Variants in ABCA8 observed in about 807,000 individuals in gnomAD.
ABCA8 encodes ABC-type organic anion transporter ABCA8.
In ABCA8, 177 loss-of-function variants were observed where a neutral mutation model predicts 192.3. The ratio of observed to expected loss-of-function variants is 0.92; its 90% CI spans 0.81 to 1.04. The LOEUF is 1.04. Ranked by LOEUF, ABCA8 falls within the 50% of genes least tolerant of loss-of-function variation. The pLI is 0.00. For missense variants in ABCA8, 1,915 were observed against 1,904.8 expected (o/e 1.01, Z -0.10); for synonymous variants, 642 against 690.2 (o/e 0.93, Z 1.09).
At chr17:68,918,624 G>A (rs1723907421) in intron 14 of ABCA8, 78 bp from the exon 15 acceptor site, 3 of 1,362,716 alleles carry the variant, frequency 2.2e-6, no homozygotes, top group Admixed American at 6.3e-5. Flanking sequence ...AGGCTGTAAA[G>A]TGTAAATGGT....
At chr17:68,875,818 G>T in intron 35 of ABCA8, 85 bp from the exon 36 acceptor site, 1 of 1,452,030 alleles carries the variant, frequency 6.9e-7, no homozygotes. Context: ...TAACTGGCAT[G>T]CGTGTGAATA....
intron 11 of ABCA8, among the ~76,000 whole-genome samples, chr17:68,924,329 A>G (rs2067631709): frequency 2.1e-5 from 3 of 142,520 alleles, no homozygotes; most frequent in Non-Finnish European, 3.1e-5. Flanking sequence ...CTGGGCAACA[A>G]GAGCAAAATT....
In ABCA8 at chr17:68,886,181, T is replaced by C. The variant is rs542832545; in HGVS notation, c.3429+836A>G. On this transcript the variant is annotated intron_variant, in intron 26 of 39. Coordinates refer to ENST00000586539, the MANE Select transcript of ABCA8 (RefSeq NM_001288985.2). ...TCTTCCAAACCATCATTTTTATGGCTATCAAAGTATTCTTCCTGCAAGTTT... is the reference window on the plus strand; with the variant it reads ...TCTTCCAAACCATCATTTTTATGGCCATCAAAGTATTCTTCCTGCAAGTTT... Among the ~76,000 whole-genome samples the C allele has an allele frequency of 2.6e-5, 4 of 152,336 alleles. No homozygotes were observed. The South Asian group carries it at 8.3e-4, about 32-fold the overall frequency.
At chr17:68,940,989 G>T (rs770098937) in intron 3 of ABCA8, 27 bp from the exon 4 acceptor site, 1 of 1,531,096 alleles carries the variant, frequency 6.5e-7, no homozygotes, top group Non-Finnish European at 8.9e-7. Flanking sequence ...AAAAGATAAA[G>T]AAAAGTCTTA....
chr17:68,884,889 T>C, intron 27 of ABCA8: 5 of 974,370 alleles, frequency 5.1e-6, no homozygotes, highest in Non-Finnish European at 6.1e-6. Context: ...TAGGGACATT[T>C]CATTTGCTTC....
At chr17:68,922,403 G>GTTA in intron 11 of ABCA8, 103 bp from the exon 12 acceptor site, 3 of 813,412 alleles carry the variant, frequency 3.7e-6, no homozygotes, top group Non-Finnish European at 5.6e-6. Flanking sequence ...GATACATGAA[G>GTTA]ATCTGGGTCT....
At position 68,894,998 on chromosome 17, in the gene ABCA8, T is replaced by C. The variant is rs768760779; in HGVS notation, c.2780A>G (p.Asp927Gly). 16 of 1,608,656 alleles carry C rather than the reference T, an allele frequency of 9.9e-6. No homozygotes were observed. Among genetic ancestry groups the C allele is most frequent in the Non-Finnish European group, 1.2e-5 (14 of 1,178,186 alleles). Reference protein sequence around the residue: ...IINKTGASIDDFIQSVEHQNI... With the variant: ...IINKTGASIDGFIQSVEHQNI... ...CTGGTGCTCCACAGACTGTATAAAG[T>C]CATCAATGCTTGCCCCTAAGGTGTA... Residue 927 changes from aspartate to glycine, a missense_variant, in exon 22 of 40, where the codon GAC becomes GGC. Physicochemically the swap from Asp to Gly is moderately conservative, Grantham distance 94 (BLOSUM62 -1). Coordinates refer to ENST00000586539, the MANE Select transcript of ABCA8 (RefSeq NM_001288985.2).
At chr17:68,912,869 TTG>T (rs1394705343) in intron 17 of ABCA8, among the ~76,000 whole-genome samples, 17 of 152,192 alleles carry the variant, frequency 1.1e-4, no homozygotes, top group African/African-American at 3.9e-4. Flanking sequence ...ATCAAAAACA[TTG>T]GACTTAATGT....
chr17:68,890,511 T>C (rs1477626721), intron 24 of ABCA8, among the ~76,000 whole-genome samples: 2 of 152,166 alleles, frequency 1.3e-5, no homozygotes, highest in Admixed American at 6.5e-5. Context: ...ATTTTATTTT[T>C]AAATTATTTA....
chr17:68,886,947 A>C, intron 26 of ABCA8, 70 bp downstream of exon 26: 2 of 1,134,182 alleles, frequency 1.8e-6, no homozygotes, highest in African/African-American at 1.6e-5. Flanking sequence ...ACAGAGGGCA[A>C]AATTTAAAGG....
chr17:68,937,848 C>CATT (rs150394447), intron 4 of ABCA8, among the ~76,000 whole-genome samples: 5 of 151,506 alleles, frequency 3.3e-5, no homozygotes, highest in South Asian at 4.2e-4. Context: ...ACTTAATAAC[C>CATT]ATTATTATTA....
Position 68,894,018 on chromosome 17 carries a change from T to C in ABCA8, c.3036+155A>G, listed in dbSNP as rs553866241. 2.1e-5 allele frequency: 17 copies of C among 792,230 alleles called. No homozygotes were observed. In the African/African-American group the frequency reaches 2.6e-4, roughly 12 times the overall value. 49.1% of individuals were successfully genotyped at this position (792,230 alleles called of 1,614,324 possible). A position where few individuals can be genotyped will look rare whatever the true frequency, so the allele number is the denominator to read the frequency against. On this transcript the variant is annotated intron_variant, in intron 23 of 39. Transcript: ENST00000586539. ...AACAAATTGAAGCTCTGAAAACGTA[T>C]TGATTTTCCAAAGTCACAGAACTAG...
rs962133793 is a variant in ABCA8, at chr17:68,882,625, C to T, written c.3802G>A (p.Ala1268Thr). ...TCATCAAAATTAGTAGAATTCAAGG[C>T]ATTTGCTGTTCTCACTCTTTCCATC... ...VQMERVRTANALNSTNFDEKP... is the reference protein window; with the variant it reads ...VQMERVRTANTLNSTNFDEKP... The change falls in exon 30 of 40, where the codon GCC becomes ACC. Residue 1268 changes from alanine (A) to threonine (T), a missense_variant. Transcript: ENST00000586539. 4.3e-6 allele frequency: 7 copies of T among 1,612,510 alleles called. No homozygotes were observed. The highest frequency in any genetic ancestry group is 5.9e-6 in the Non-Finnish European group (7 of 1,179,404).
At chr17:68,901,003 T>C (rs1246078632) in intron 21 of ABCA8, among the ~76,000 whole-genome samples, 2 of 152,096 alleles carry the variant, frequency 1.3e-5, no homozygotes, top group Non-Finnish European at 2.9e-5. Flanking sequence ...CATAAAAATG[T>C]GAAAAATGTG....
chr17:68,941,197 A>ATGTTT (rs879611038), intron 3 of ABCA8, among the ~76,000 whole-genome samples: 1,534 of 152,282 alleles, frequency 0.01, 15 homozygotes, highest in Middle Eastern at 0.024. Flanking sequence ...CAAACTCAAC[A>ATGTTT]GTATACCAGT....
rs770625595 is a variant in ABCA8 at position 68,918,357 on chromosome 17, A to G, written c.1908+70T>C. ...ATAACACATGTCCTTTGCGAATAAA[A>G]TATTTGAACTATTACCAAAAGTTCC... On this transcript the variant is annotated intron_variant, in intron 15 of 39. Transcript: ENST00000586539. 8.5e-6 allele frequency: 13 copies of G among 1,522,976 alleles called. No individual in the cohort carries two copies. In the African/African-American group the frequency reaches 9.8e-5, roughly 11 times the overall value. The allele number at this position is 1,522,976 out of a possible 1,614,324, so 94.3% of individuals were successfully genotyped here. A position where few individuals can be genotyped will look rare whatever the true frequency, so the allele number is the denominator to read the frequency against.
Position 68,941,906 on chromosome 17 carries a change from T to C in ABCA8, c.96+33A>G, listed in dbSNP as rs201143142. ...CCAGGCAACACGTATTTTCCTATCA[T>C]AAATAGAGAATAACACGGATATTGA... On this transcript the variant is annotated intron_variant, in intron 3 of 39. Transcript: ENST00000586539. The C allele has an allele frequency of 1.3e-5, 20 of 1,483,158 alleles. No individual in the cohort carries two copies. In the East Asian group the frequency reaches 4.5e-4, roughly 34 times the overall value. The allele number at this position is 1,483,158 out of a possible 1,614,324, so 91.9% of individuals were successfully genotyped here.
In ABCA8 at chr17:68,894,977, T is replaced by C. The variant is rs1359860172; in HGVS notation, c.2801A>G (p.His934Arg). The C allele has an allele frequency of 6.2e-7, 1 of 1,613,636 alleles. No homozygotes were observed. ...SIDDFIQSVE[H>R]QNIALEVDAF... ...ATCCACTTCTAAAGCTATGTTCTGG[T>C]GCTCCACAGACTGTATAAAGTCATC... Residue 934 changes from histidine to arginine, a missense_variant, in exon 22 of 40, where the codon CAC (histidine) becomes CGC (arginine). Coordinates refer to ENST00000586539, the MANE Select transcript of ABCA8 (RefSeq NM_001288985.2).
intron 37 of ABCA8, among the ~76,000 whole-genome samples, chr17:68,872,078 T>C (rs1034441488): frequency 3.3e-5 from 5 of 152,124 alleles, no homozygotes; most frequent in Non-Finnish European, 7.3e-5. Context: ...ATCCCATTAC[T>C]GGGTATATAC....
Sources: gnomAD v4.1 joint callset for allele counts (sites outside exome capture counted in the v4.1 genomes callset) on GRCh38, gnomAD v4.1.1 for gene constraint, MANE v1.5 for transcripts, NCBI Gene and HGNC (gene_info 2026-07-23, HGNC 2026-07-21) for gene names.